The following EIF4E3 variants were observed in gnomAD, a reference collection of about 807,000 sequenced individuals.
The protein encoded by EIF4E3 is eukaryotic translation initiation factor 4E family member 3.
EIF4E3 carries 26 observed loss-of-function variants against 31.7 expected under a neutral mutation model. The observed-to-expected ratio is 0.82, with a 90% CI of 0.60 to 1.14. EIF4E3 has a LOEUF of 1.14. EIF4E3 is among the 50% of genes most tolerant of loss of function. The pLI is 0.00. For missense variants in EIF4E3, 304 were observed against 270.9 expected, an observed-to-expected ratio of 1.12 and a Z score of -0.86; for synonymous variants, 128 against 107.7, an observed-to-expected ratio of 1.19 and a Z score of -1.17.
intron 6 of EIF4E3, among the ~76,000 whole-genome samples, chr3:71,685,419 G>C (rs997801979): frequency 1.3e-5 from 2 of 152,146 alleles, no homozygotes; most frequent in African/African-American, 4.8e-5. Flanking sequence ...GAGTGCAGTG[G>C]CGCAATCTTG....
chr3:71,704,248 G>T (rs2049259155), intron 2 of EIF4E3, among the ~76,000 whole-genome samples: 1 of 152,222 alleles, frequency 6.6e-6, no homozygotes, highest in African/African-American at 2.4e-5. Flanking sequence ...CTGAGTTGGG[G>T]AGTTAAAAGC....
chr3:71,737,669 T>G (rs889845883), intron 1 of EIF4E3, among the ~76,000 whole-genome samples: 1 of 152,174 alleles, frequency 6.6e-6, no homozygotes, highest in African/African-American at 2.4e-5. Flanking sequence ...CTCACATCTG[T>G]AAACCCAGCA....
chr3:71,744,911 A>G (rs2049856033), intron 1 of EIF4E3, among the ~76,000 whole-genome samples: 1 of 152,200 alleles, frequency 6.6e-6, no homozygotes, highest in Non-Finnish European at 1.5e-5. Flanking sequence ...CATGCTTTGG[A>G]AGGCAGTGCC....
chr3:71,745,484 A>G (rs930275779), intron 1 of EIF4E3, among the ~76,000 whole-genome samples: 4 of 152,182 alleles, frequency 2.6e-5, no homozygotes, highest in Admixed American at 2.6e-4. Flanking sequence ...TACCCCCCAA[A>G]TCGCCACCAT....
At chr3:71,730,395 C>A (rs912648238), upstream of EIF4E3, among the ~76,000 whole-genome samples, 1 of 152,198 alleles carries the variant, frequency 6.6e-6, no homozygotes, top group Admixed American at 6.5e-5. Context: ...AAAACATTGT[C>A]TATAAAGCAC....
chr3:71,709,991 T>A (rs34550804), intron 2 of EIF4E3, among the ~76,000 whole-genome samples: 1 of 151,994 alleles, frequency 6.6e-6, no homozygotes, highest in Non-Finnish European at 1.5e-5. Flanking sequence ...GCTCTCCCCA[T>A]GTGACCTCTA....
chr3:71,725,302 G>A lies in EIF4E3; in HGVS notation c.66C>T (p.Ala22=), dbSNP rs2049617238. The change falls in exon 1 of 7, where the codon GCC becomes GCT. Residue 22 remains alanine (A), a synonymous_variant. Coordinates refer to ENST00000425534, the MANE Select transcript of EIF4E3 (RefSeq NM_001134651.2). The surrounding 1 kb of genome is among the most constrained non-coding windows in gnomAD (Gnocchi z 6.1). ...GCGGCTCGGGGGCGGCGGCAGCGGC[G>A]GCGGCGCGGGACCCCGGCGGCTCCC... ...GAREPPGSRA[A]AAAAAPEPPL... is the part of the protein sequence containing the mutation. The A allele has an allele frequency of 5.0e-6, 5 of 991,520 alleles. No individual in the cohort carries two copies. The highest frequency in any genetic ancestry group is 6.0e-6 in the Non-Finnish European group (5 of 834,132). The allele number at this position is 991,520 out of a possible 1,614,324, so 61.4% of individuals were successfully genotyped here.
At chr3:71,692,658 AT>A (rs1459624878) in intron 5 of EIF4E3, among the ~76,000 whole-genome samples, 3 of 151,138 alleles carry the variant, frequency 2.0e-5, no homozygotes, top group Non-Finnish European at 4.4e-5. Flanking sequence ...TACAATAGCG[AT>A]CATAGCTCAT....
intron 1 of EIF4E3, among the ~76,000 whole-genome samples, chr3:71,720,041 T>C (rs990167266): frequency 2.0e-5 from 3 of 151,922 alleles, no homozygotes; most frequent in African/African-American, 7.3e-5. Context: ...ATATCTTATA[T>C]TTTAAGAGGT....
intron 1 of EIF4E3, among the ~76,000 whole-genome samples, chr3:71,720,047 GA>G (rs2049523250): frequency 6.6e-6 from 1 of 151,500 alleles, no homozygotes; most frequent in Non-Finnish European, 1.5e-5. Flanking sequence ...TATATTTTAA[GA>G]GGTGGGTTCC....
chr3:71,679,424 T>C lies in EIF4E3; in HGVS notation c.*5258A>G, dbSNP rs931226915. The C allele has an allele frequency of 3.9e-5, 6 of 152,212 alleles. No individual in the cohort carries two copies. Among genetic ancestry groups the C allele is most frequent in the Admixed American group, 3.9e-4 (6 of 15,274 alleles). 9.4% of individuals were successfully genotyped at this position (152,212 alleles called of 1,614,324 possible). A position where few individuals can be genotyped will look rare whatever the true frequency, so the allele number is the denominator to read the frequency against. On this transcript the variant is annotated 3_prime_UTR_variant, in exon 7 of 7. Transcript: ENST00000425534. ...AAATTTTCATAAAGAAATCTTGCATTTCACTAAATGAGTTGGTAACTTTTT... is the reference window on the plus strand; with the variant it reads ...AAATTTTCATAAAGAAATCTTGCATCTCACTAAATGAGTTGGTAACTTTTT...
Position 71,679,620 on chromosome 3 carries a change from C to CA in EIF4E3, c.*5061dup. On this transcript the variant is annotated 3_prime_UTR_variant, in exon 7 of 7. Transcript: ENST00000425534. ...TCTGAATTTCAGTAGCAATGATGAA[C>CA]AAAAAAATACTGACTTTGCAATGAC... The CA allele has an allele frequency of 6.6e-6, 1 of 152,222 alleles. No individual in the cohort carries two copies. Among genetic ancestry groups the CA allele is most frequent in the African/African-American group, 2.4e-5 (1 of 41,548 alleles). 9.4% of individuals were successfully genotyped at this position (152,222 alleles called of 1,614,324 possible). A position where few individuals can be genotyped will look rare whatever the true frequency, so the allele number is the denominator to read the frequency against.
At chr3:71,743,740 C>T (rs1321822312) in intron 1 of EIF4E3, among the ~76,000 whole-genome samples, 2 of 152,116 alleles carry the variant, frequency 1.3e-5, no homozygotes, top group Non-Finnish European at 2.9e-5. Context: ...ATAATGAATA[C>T]AGTGTGACAT....
Position 71,697,109 on chromosome 3 carries a change from G to A in EIF4E3, c.345-589C>T, listed in dbSNP as rs573834545. Among the ~76,000 whole-genome samples, 222 of 152,122 alleles carry A rather than the reference G, an allele frequency of 1.5e-3. 1 individual carries two copies. The highest frequency in any genetic ancestry group is 2.2e-3 in the Non-Finnish European group (149 of 68,018). On this transcript the variant is annotated intron_variant, in intron 3 of 6. Coordinates refer to ENST00000425534, the MANE Select transcript of EIF4E3 (RefSeq NM_001134651.2). The stretch of plus-strand genomic sequence containing the variant: ...TAGCTCACTGTAGCCTTGAACTCCT[G>A]GGCTCAAGCAATCCTCCGCCCTCAG...
chr3:71,713,429 C>T (rs1450050340), intron 1 of EIF4E3, among the ~76,000 whole-genome samples: 1 of 152,072 alleles, frequency 6.6e-6, no homozygotes, highest in Non-Finnish European at 1.5e-5. Flanking sequence ...TTTGCTGAAT[C>T]CCAATTTTTT....
intron 1 of EIF4E3, among the ~76,000 whole-genome samples, chr3:71,740,661 A>G (rs191650000): frequency 6.6e-6 from 1 of 152,074 alleles, no homozygotes; most frequent in Admixed American, 6.5e-5. Context: ...TGAACCCAGG[A>G]GGCAGAGGTT....
In EIF4E3 at chr3:71,684,496, G is replaced by C; in HGVS notation, c.*186C>G. The C allele has an allele frequency of 2.1e-6, 1 of 476,494 alleles. No homozygotes were observed. Among genetic ancestry groups the C allele is most frequent in the Non-Finnish European group, 3.6e-6 (1 of 279,262 alleles). The allele number at this position is 476,494 out of a possible 1,614,324, so 29.5% of individuals were successfully genotyped here. A position where few individuals can be genotyped will look rare whatever the true frequency, so the allele number is the denominator to read the frequency against. The stretch of plus-strand genomic sequence containing the variant: ...TTAAAAAGCAAGTAATGTGACGGTA[G>C]AAACCCACACAATCTCCCCCCACCC... On this transcript the variant is annotated 3_prime_UTR_variant, in exon 7 of 7. Transcript: ENST00000425534.
the EIF4E3 span, among the ~76,000 whole-genome samples, chr3:71,664,219 T>C: frequency 7.9e-5 from 12 of 152,296 alleles, no homozygotes; most frequent in Middle Eastern, 3.4e-3. Context: ...CCTGACTACA[T>C]ACAAAACTTA....
intron 1 of EIF4E3, among the ~76,000 whole-genome samples, chr3:71,723,994 A>C (rs140494482): frequency 9.5e-4 from 145 of 152,366 alleles, no homozygotes; most frequent in African/African-American, 3.2e-3. Flanking sequence ...CCAAAAAAAA[A>C]ATGAATATCA....
Sources: gnomAD v4.1 joint callset for allele counts (sites outside exome capture counted in the v4.1 genomes callset) on GRCh38, gnomAD v4.1.1 for gene constraint, Gnocchi (gnomAD v3.1) non-coding constraint, MANE v1.5 for transcripts, NCBI Gene and HGNC (gene_info 2026-07-23, HGNC 2026-07-21) for gene names.